EDARADD: variants seen among roughly 807,000 people sequenced by gnomAD.
EDARADD encodes EDAR associated via death domain.
EDARADD carries 20 observed loss-of-function variants against 25.6 expected under a neutral mutation model. The observed-to-expected ratio is 0.78, with a 90% CI of 0.55 to 1.14. EDARADD has a LOEUF of 1.14. EDARADD is among the 50% of genes most tolerant of loss of function. The probability of loss-of-function intolerance (pLI) is 0.00; values close to 1 mark genes in which losing one functional copy is unlikely to be tolerated. For missense variants in EDARADD, 225 were observed against 270.1 expected, an observed-to-expected ratio of 0.83 and a Z score of 1.17; for synonymous variants, 86 against 94.4, an observed-to-expected ratio of 0.91 and a Z score of 0.52.
At chr1:236,416,843 G>A (rs1264810824) in intron 3 of EDARADD, among the ~76,000 whole-genome samples, 1 of 152,178 alleles carries the variant, frequency 6.6e-6, no homozygotes, top group Non-Finnish European at 1.5e-5. Context: ...ATTAGACATT[G>A]TGGTAATTTT....
intron 5 of EDARADD, among the ~76,000 whole-genome samples, chr1:236,469,892 T>A (rs1659314713): frequency 1.3e-5 from 2 of 152,096 alleles, no homozygotes. Context: ...GTATTTTTAG[T>A]AGAGACGGGG....
intron 1 of EDARADD, among the ~76,000 whole-genome samples, chr1:236,407,233 C>G (rs978605064): frequency 2.0e-5 from 3 of 152,196 alleles, no homozygotes; most frequent in Non-Finnish European, 2.9e-5. Context: ...GGGCACAGGT[C>G]TCTTTGCTGG....
intron 4 of EDARADD, among the ~76,000 whole-genome samples, chr1:236,460,536 T>C (rs1659010355): frequency 6.6e-6 from 1 of 152,144 alleles, no homozygotes; most frequent in African/African-American, 2.4e-5. Context: ...AAATAATAGA[T>C]ATATGTCCAC....
chr1:236,382,674 C>G (rs1370374897), intron 3 of EDARADD, among the ~76,000 whole-genome samples: 1 of 152,178 alleles, frequency 6.6e-6, no homozygotes, highest in African/African-American at 2.4e-5. Context: ...TTAGGTGGAA[C>G]TGGGGCAGGG....
At chr1:236,457,143 G>T (rs945572699) in intron 4 of EDARADD, among the ~76,000 whole-genome samples, 1 of 152,136 alleles carries the variant, frequency 6.6e-6, no homozygotes, top group Non-Finnish European at 1.5e-5. Context: ...ACTCTGATTT[G>T]ATGTGGTCTG....
intron 1 of EDARADD, among the ~76,000 whole-genome samples, chr1:236,400,902 A>C (rs1352828357): frequency 1.3e-5 from 2 of 152,026 alleles, no homozygotes; most frequent in Admixed American, 6.5e-5. Context: ...AGCAGTCAAA[A>C]GAAAAGTTAT....
chr1:236,472,604 C>G (rs113955445), intron 5 of EDARADD, among the ~76,000 whole-genome samples: 24,745 of 152,222 alleles, frequency 0.16, 2,566 homozygotes, highest in Non-Finnish European at 0.23. Context: ...TCTCAGCTCA[C>G]TGCAACCTCT....
At chr1:236,428,214 C>T (rs1450021854) in intron 4 of EDARADD, among the ~76,000 whole-genome samples, 1 of 152,110 alleles carries the variant, frequency 6.6e-6, no homozygotes, top group African/African-American at 2.4e-5. Context: ...TTTAACAAAG[C>T]ACATCTTGCA....
In EDARADD at chr1:236,483,073, A is replaced by G; in HGVS notation, c.*424A>G. The G allele has an allele frequency of 1.1e-6, 1 of 871,160 alleles. No homozygotes were observed. The highest frequency in any genetic ancestry group is 1.8e-6 in the Non-Finnish European group (1 of 549,698). 54.0% of individuals were successfully genotyped at this position (871,160 alleles called of 1,614,324 possible). ...GATCAGTGCCATTCCCACGGTTTCA[A>G]AGAAAACAGCTACAAGGAATGCTTA... On this transcript the variant is annotated 3_prime_UTR_variant, in exon 6 of 6. Coordinates refer to ENST00000334232, the MANE Select transcript of EDARADD (RefSeq NM_145861.4).
chr1:236,410,798 G>A (rs902319094), intron 2 of EDARADD, among the ~76,000 whole-genome samples: 4 of 152,100 alleles, frequency 2.6e-5, no homozygotes, highest in African/African-American at 4.8e-5. Flanking sequence ...GGTGTCTTGC[G>A]GACCTGAGGT....
chr1:236,471,859 C>G (rs1659369030), intron 5 of EDARADD, among the ~76,000 whole-genome samples: 1 of 152,098 alleles, frequency 6.6e-6, no homozygotes, highest in African/African-American at 2.4e-5. Flanking sequence ...GATCTGCTGC[C>G]AACATCCTGA....
chr1:236,466,294 A>C (rs561855087), intron 4 of EDARADD, among the ~76,000 whole-genome samples: 1 of 152,158 alleles, frequency 6.6e-6, no homozygotes, highest in Admixed American at 6.5e-5. Context: ...CCCTAAAGTC[A>C]TGGGGCTTCT....
Position 236,395,161 on chromosome 1 carries a change from G to C in EDARADD, c.61+656G>C, listed in dbSNP as rs968367081. 1.3e-5 allele frequency among the ~76,000 whole-genome samples: 2 copies of C among 152,230 alleles called. No individual in the cohort carries two copies. Among genetic ancestry groups the C allele is most frequent in the African/African-American group, 4.8e-5 (2 of 41,468 alleles). On this transcript the variant is annotated intron_variant, in intron 1 of 5. Coordinates refer to ENST00000334232, the MANE Select transcript of EDARADD (RefSeq NM_145861.4). The surrounding 1 kb of genome is among the most constrained non-coding windows in gnomAD (Gnocchi z 6.9). ...GGCGTGAGTAGGGAGCCAGGAAAGCGACCCGCGACTGCAGCCGTTTCTTAA... is the reference window on the plus strand; with the variant it reads ...GGCGTGAGTAGGGAGCCAGGAAAGCCACCCGCGACTGCAGCCGTTTCTTAA...
chr1:236,395,443 G>A lies in EDARADD; in HGVS notation c.61+938G>A, dbSNP rs1667496927. On this transcript the variant is annotated intron_variant, in intron 1 of 5. Transcript: ENST00000334232. This position sits in a 1 kb window ranked among gnomAD's most constrained non-coding sequence, Gnocchi z 6.9. ...TTGCCAAAGCAGGAAGTGAGCTCGT[G>A]GAAGAAGCGAAGGAGGAGAAGAAGA... 1 of 1,473,352 alleles carries A rather than the reference G, an allele frequency of 6.8e-7. No individual in the cohort carries two copies. The highest frequency in any genetic ancestry group is 9.0e-7 in the Non-Finnish European group (1 of 1,114,334). 91.3% of individuals were successfully genotyped at this position (1,473,352 alleles called of 1,614,324 possible). A position where few individuals can be genotyped will look rare whatever the true frequency, so the allele number is the denominator to read the frequency against.
chr1:236,392,719 G>A (rs1270912398), upstream of EDARADD, among the ~76,000 whole-genome samples: 1 of 152,002 alleles, frequency 6.6e-6, no homozygotes. Flanking sequence ...CACCCAGGCT[G>A]GAGTGCAGTG....
At chr1:236,461,905 C>G (rs989994411) in intron 4 of EDARADD, among the ~76,000 whole-genome samples, 1 of 152,218 alleles carries the variant, frequency 6.6e-6, no homozygotes, top group African/African-American at 2.4e-5. Flanking sequence ...TCACATTAAA[C>G]TAGCCCCTAA....
chr1:236,467,426 G>A (rs5028835), intron 4 of EDARADD, among the ~76,000 whole-genome samples: 68,357 of 138,910 alleles, frequency 0.49, 15,915 homozygotes, highest in East Asian at 0.7. Context: ...ACACACACGC[G>A]CACACACACA....
At chr1:236,440,231 T>C (rs1449534209) in intron 4 of EDARADD, among the ~76,000 whole-genome samples, 2 of 152,230 alleles carry the variant, frequency 1.3e-5, no homozygotes, top group Non-Finnish European at 2.9e-5. Context: ...CTTTTATTTG[T>C]CTCTTGTTTG....
At chr1:236,458,350 G>A (rs1222540348) in intron 4 of EDARADD, among the ~76,000 whole-genome samples, 1 of 131,950 alleles carries the variant, frequency 7.6e-6, no homozygotes, top group African/African-American at 2.6e-5. Context: ...GAGAGTCCTG[G>A]CCTTAAAAAA....
Sources: gnomAD v4.1 joint callset for allele counts (sites outside exome capture counted in the v4.1 genomes callset) on GRCh38, gnomAD v4.1.1 for gene constraint, Gnocchi (gnomAD v3.1) non-coding constraint, MANE v1.5 for transcripts, NCBI Gene and HGNC (gene_info 2026-07-23, HGNC 2026-07-21) for gene names.